Variants in RIOX2 observed in about 807,000 individuals in gnomAD.
The protein encoded by RIOX2 is ribosomal oxygenase 2.
In RIOX2, 43 loss-of-function variants were observed where a neutral mutation model predicts 51.2. That is an observed-to-expected ratio of 0.84 (90% CI 0.66 to 1.08). The LOEUF (loss-of-function observed/expected upper bound fraction) is 1.08, where lower values mean the gene tolerates loss of function less well. Among genes scored for constraint, RIOX2 ranks in the 50% least tolerant of loss-of-function variants. The probability of loss-of-function intolerance (pLI) is 0.00; values close to 1 mark genes in which losing one functional copy is unlikely to be tolerated. For missense variants in RIOX2, 566 were observed against 561.7 expected (o/e 1.01, Z -0.08); for synonymous variants, 226 against 218.5 (o/e 1.03, Z -0.30).
Position 97,961,624 on chromosome 3 carries a change from A to G in RIOX2, c.517T>C (p.Ser173Pro). The G allele has an allele frequency of 6.2e-7, 1 of 1,609,648 alleles. No individual in the cohort carries two copies. The highest frequency in any genetic ancestry group is 8.5e-7 in the Non-Finnish European group (1 of 1,178,942). ...TCATAATGGGGCGGCAGGCCCTGAG[A>G]TCCTGCGGGAGTTATGTACACATTC... ...GSNVYITPAG[S>P]QGLPPHYDDV... Residue 173 changes from serine (S) to proline (P), a missense_variant, in exon 3 of 10, where the codon TCT becomes CCT. Coordinates refer to ENST00000394198, the MANE Select transcript of RIOX2 (RefSeq NM_153182.4).
intron 4 of RIOX2, among the ~76,000 whole-genome samples, chr3:97,957,281 G>C (rs540224709): frequency 6.6e-6 from 1 of 151,988 alleles, no homozygotes; most frequent in Non-Finnish European, 1.5e-5. Flanking sequence ...GGTGGATCAC[G>C]AGGTCAGGAG....
chr3:97,944,843 A>C lies in RIOX2; in HGVS notation c.*341T>G, dbSNP rs527792962. On this transcript the variant is annotated 3_prime_UTR_variant, in exon 10 of 10. Transcript: ENST00000394198. ...TTTGAAATTTTTCTAGAGCCAAAGA[A>C]GCTCTTTAAAGAAGTTGTTTCTTCC... The C allele has an allele frequency of 4.0e-4, 68 of 168,980 alleles. No homozygotes were observed. Among genetic ancestry groups the C allele is most frequent in the Middle Eastern group, 2.6e-3 (1 of 380 alleles). 10.5% of individuals were successfully genotyped at this position (168,980 alleles called of 1,614,324 possible).
chr3:97,950,861 G>A lies in RIOX2; in HGVS notation c.813C>T (p.Thr271=). ...NNSWGDFLLD[T]ISGLVFDTAK... Reference sequence around the variant, plus strand: ...CAGTATCAAATACAAGCCCCGAGATGGTATCCAAAAGGAAATCTCCCCATG... The same window carrying A: ...CAGTATCAAATACAAGCCCCGAGATAGTATCCAAAAGGAAATCTCCCCATG... Residue 271 remains threonine, a synonymous_variant, in exon 6 of 10, where the codon ACC becomes ACT. Transcript: ENST00000394198. The A allele has an allele frequency of 6.2e-7, 1 of 1,613,522 alleles. No homozygotes were observed. Among genetic ancestry groups the A allele is most frequent in the Non-Finnish European group, 8.5e-7 (1 of 1,179,782 alleles).
At chr3:97,945,696 T>C in intron 9 of RIOX2, 102 bp downstream of exon 9, 1 of 883,842 alleles carries the variant, frequency 1.1e-6, no homozygotes. Context: ...AAGTCCACAG[T>C]GCAGCCATAA....
At chr3:97,954,590 G>T in intron 4 of RIOX2, 95 bp from the exon 5 acceptor site, 1 of 1,034,606 alleles carries the variant, frequency 9.7e-7, no homozygotes, top group Non-Finnish European at 1.5e-6. Context: ...TTGAGTCTCA[G>T]TTCTCCATTC....
chr3:97,964,760 C>T (rs1705818883), intron 2 of RIOX2, among the ~76,000 whole-genome samples: 1 of 149,544 alleles, frequency 6.7e-6, no homozygotes, highest in South Asian at 2.1e-4. Context: ...AAAAGCTGCC[C>T]TATTTCAAAT....
intron 6 of RIOX2, 59 bp downstream of exon 6, chr3:97,950,727 C>T (rs1705212093): frequency 6.5e-6 from 9 of 1,393,184 alleles, no homozygotes; most frequent in South Asian, 1.2e-5. Flanking sequence ...TAAGGTAGGA[C>T]TTCAGCTGGC....
Position 97,947,419 on chromosome 3 carries a change from A to G in RIOX2, c.1091T>C (p.Val364Ala). 1 of 1,613,560 alleles carries G rather than the reference A, an allele frequency of 6.2e-7. No homozygotes were observed. Among genetic ancestry groups the G allele is most frequent in the Non-Finnish European group, 8.5e-7 (1 of 1,179,586 alleles). The change falls in exon 8 of 10, where the codon GTG (valine) becomes GCG (alanine). Residue 364 changes from valine to alanine, a missense_variant. By Grantham distance (64) the Val-to-Ala change is moderately conservative. Transcript: ENST00000394198. ...GGKLPRLDSV[V>A]RLQFKDHIVL... ...AATGTGGTCTTTAAACTGCAGTCTC[A>G]CTACACTGTCCAGCCTCGGTAACTT...
In RIOX2 at chr3:97,944,124, T is replaced by G. The variant is rs2040296486; in HGVS notation, c.*1060A>C. 6.6e-6 allele frequency: 1 copy of G among 151,570 alleles called. No individual in the cohort carries two copies. The highest frequency in any genetic ancestry group is 2.4e-5 in the African/African-American group (1 of 41,284). The allele number at this position is 151,570 out of a possible 1,614,324, so 9.4% of individuals were successfully genotyped here. A position where few individuals can be genotyped will look rare whatever the true frequency, so the allele number is the denominator to read the frequency against. ...AGAGGCATCAATTTTTTTTTTTTTTTGCCTCAAGAGAAATTTCAAATATCC... is the reference window on the plus strand; with the variant it reads ...AGAGGCATCAATTTTTTTTTTTTTTGGCCTCAAGAGAAATTTCAAATATCC... On this transcript the variant is annotated 3_prime_UTR_variant, in exon 10 of 10. Coordinates refer to ENST00000394198, the MANE Select transcript of RIOX2 (RefSeq NM_153182.4).
At position 97,965,542 on chromosome 3, in the gene RIOX2, T is replaced by C. The variant is rs186804455; in HGVS notation, c.432+1620A>G. Among the ~76,000 whole-genome samples, 962 of 150,292 alleles carry C rather than the reference T, an allele frequency of 6.4e-3. 5 individuals are homozygous for C. Among genetic ancestry groups the C allele is most frequent in the Middle Eastern group, 0.014 (4 of 282 alleles). ...AAAAAAAAAAAGGCACATCCTAGTC[T>C]GGCCTGAGGGCTGAATTTGGGCTGA... On this transcript the variant is annotated intron_variant, in intron 2 of 9. Transcript: ENST00000394198.
intron 4 of RIOX2, among the ~76,000 whole-genome samples, chr3:97,954,715 C>T (rs1705391668): frequency 6.6e-6 from 1 of 152,088 alleles, no homozygotes; most frequent in Non-Finnish European, 1.5e-5. Context: ...ACGAGAGGCT[C>T]TCGGTGCCTG....
chr3:97,945,770 T>C (rs371586265), intron 9 of RIOX2, 28 bp downstream of exon 9: 22 of 1,509,298 alleles, frequency 1.5e-5, no homozygotes, highest in Non-Finnish European at 1.9e-5. Flanking sequence ...AGTCACAGGA[T>C]AGGCATTTGT....
In RIOX2 at chr3:97,972,383, G is replaced by T. The variant is rs1490426392; in HGVS notation, c.-42C>A. 2.0e-5 allele frequency: 3 copies of T among 151,566 alleles called. No individual in the cohort carries two copies. The highest frequency in any genetic ancestry group is 7.3e-5 in the African/African-American group (3 of 41,376). 9.4% of individuals were successfully genotyped at this position (151,566 alleles called of 1,614,324 possible). A position where few individuals can be genotyped will look rare whatever the true frequency, so the allele number is the denominator to read the frequency against. On this transcript the variant is annotated splice_region_variant and 5_prime_UTR_variant, in exon 1 of 10. Coordinates refer to ENST00000394198, the MANE Select transcript of RIOX2 (RefSeq NM_153182.4). ...GCCCACGAGAGCGCCCCACTCACCC[G>T]GCACGGCCTGTTGCTCGCGGCCGCG...
chr3:97,971,036 AC>A (rs1706109784), intron 1 of RIOX2, among the ~76,000 whole-genome samples: 1 of 152,184 alleles, frequency 6.6e-6, no homozygotes. Flanking sequence ...TTGGAGACAA[AC>A]CACAAAGGCC....
intron 1 of RIOX2, among the ~76,000 whole-genome samples, chr3:97,968,155 C>T (rs1050916552): frequency 2.0e-5 from 3 of 152,174 alleles, no homozygotes; most frequent in Non-Finnish European, 4.4e-5. Context: ...TCAATCAATG[C>T]GCCCTGGACC....
chr3:97,969,821 C>G (rs990701090), intron 1 of RIOX2, among the ~76,000 whole-genome samples: 1 of 152,234 alleles, frequency 6.6e-6, no homozygotes, highest in East Asian at 1.9e-4. Context: ...GAACTTCACC[C>G]ATGTGCCTCT....
intron 3 of RIOX2, among the ~76,000 whole-genome samples, chr3:97,959,715 T>G (rs1413223101): frequency 6.6e-6 from 1 of 152,064 alleles, no homozygotes; most frequent in Non-Finnish European, 1.5e-5. Context: ...TTGAAAAACA[T>G]GAAAAATATC....
chr3:97,968,646 G>A (rs1705996566), intron 1 of RIOX2, among the ~76,000 whole-genome samples: 1 of 152,138 alleles, frequency 6.6e-6, no homozygotes, highest in Non-Finnish European at 1.5e-5. Flanking sequence ...TACTTAGAGG[G>A]TAGGTTTCCC....
rs778350246 is a variant in RIOX2, at chr3:97,942,263, A to T, written c.*2921T>A. 1.1e-5 allele frequency: 18 copies of T among 1,581,728 alleles called. No individual in the cohort carries two copies. The South Asian group carries it at 2.1e-4, about 18-fold the overall frequency. On this transcript the variant is annotated 3_prime_UTR_variant, in exon 10 of 10. Coordinates refer to ENST00000394198, the MANE Select transcript of RIOX2 (RefSeq NM_153182.4). ...TTAGCAAACATACTACTGCCAATTA[A>T]TCATTTCTTAACCCTTTTAGGCCAG...
Sources: gnomAD v4.1 joint callset for allele counts (sites outside exome capture counted in the v4.1 genomes callset) on GRCh38, gnomAD v4.1.1 for gene constraint, MANE v1.5 for transcripts, NCBI Gene and HGNC (gene_info 2026-07-23, HGNC 2026-07-21) for gene names.